The following FAM135B variants were observed in gnomAD, a reference collection of about 807,000 sequenced individuals.
The protein encoded by FAM135B is family with sequence similarity 135 member B.
In FAM135B, 43 loss-of-function variants were observed where a neutral mutation model predicts 127.7. The observed-to-expected ratio is 0.34, with a 90% CI of 0.26 to 0.43. FAM135B has a LOEUF of 0.43. FAM135B is among the 20% of genes least tolerant of loss of function. The pLI, the probability that FAM135B is intolerant of heterozygous loss-of-function variation, is 1.00. For missense variants in FAM135B, 1,558 were observed against 1,725.6 expected, an observed-to-expected ratio of 0.90 and a Z score of 1.72; for synonymous variants, 670 against 665.1, an observed-to-expected ratio of 1.01 and a Z score of -0.11.
intron 7 of FAM135B, among the ~76,000 whole-genome samples, chr8:138,205,502 GC>G (rs1248032414): frequency 4.6e-5 from 7 of 152,240 alleles, no homozygotes; most frequent in African/African-American, 1.7e-4. Context: ...ACAAAGAAAA[GC>G]AAAGCCTCTT....
chr8:138,277,624 G>T (rs1045959208), intron 3 of FAM135B, among the ~76,000 whole-genome samples: 1 of 152,198 alleles, frequency 6.6e-6, no homozygotes, highest in Non-Finnish European at 1.5e-5. Flanking sequence ...CATAGCCAGT[G>T]TATGGTAACC....
intron 1 of FAM135B, among the ~76,000 whole-genome samples, chr8:138,410,518 T>C (rs1833801272): frequency 6.6e-6 from 1 of 152,076 alleles, no homozygotes; most frequent in Non-Finnish European, 1.5e-5. Flanking sequence ...GCAATTTGAG[T>C]GAACTTAGGA....
intron 2 of FAM135B, among the ~76,000 whole-genome samples, chr8:138,321,536 T>A (rs1487031282): frequency 1.3e-5 from 2 of 152,170 alleles, no homozygotes; most frequent in African/African-American, 4.8e-5. Flanking sequence ...ATTAAGAGGG[T>A]AAGCTCTGAA....
rs187589939 is a variant in FAM135B at position 138,446,565 on chromosome 8, T to C, written c.-20+50106A>G. Among the ~76,000 whole-genome samples, 137 of 152,366 alleles carry C rather than the reference T, an allele frequency of 9.0e-4. 2 individuals carry two copies. Among genetic ancestry groups the C allele is most frequent in the African/African-American group, 2.8e-3 (115 of 41,590 alleles). On this transcript the variant is annotated intron_variant, in intron 1 of 19. Transcript: ENST00000395297. ...AACAAGCAATGGGGAAAGGATTCCC[T>C]ATTTAATAAATCGTTCAGGGAAAAC...
Position 138,344,694 on chromosome 8 carries a change from GC to G in FAM135B, c.77+23212del, listed in dbSNP as rs1414655133. On this transcript the variant is annotated intron_variant, in intron 2 of 19. Coordinates refer to ENST00000395297, the MANE Select transcript of FAM135B (RefSeq NM_015912.4). ...AGGTTCATGACATTCGCCTGCCTCAGCCTCCCGAATAGCTGGGACTACAGGT... is the reference window on the plus strand; with the variant it reads ...AGGTTCATGACATTCGCCTGCCTCAGCTCCCGAATAGCTGGGACTACAGGT... 3.3e-5 allele frequency among the ~76,000 whole-genome samples: 5 copies of G among 149,962 alleles called. No homozygotes were observed. In the Admixed American group the frequency reaches 3.4e-4, roughly 10 times the overall value.
Position 138,178,632 on chromosome 8 carries a change from G to A in FAM135B, c.932C>T (p.Thr311Met), listed in dbSNP as rs1266973180. The A allele has an allele frequency of 4.3e-6, 7 of 1,614,082 alleles. No individual in the cohort carries two copies. The highest frequency in any genetic ancestry group is 1.3e-5 in the African/African-American group (1 of 75,024). ...EQISKDLAWL[T>M]SHMMTLWTQF... ...GGTCCACAGAGTCATCATGTGGGAC[G>A]TGAGCCAGGCCAGATCCTTGCTTAT... Residue 311 changes from threonine to methionine, a missense_variant, in exon 10 of 20, where the codon ACG becomes ATG. Physicochemically the swap from Thr to Met is moderately conservative, Grantham distance 81. This residue lies in a region of FAM135B where 115 missense variants were observed against 171.1 expected (regional missense o/e 0.67). Transcript: ENST00000395297.
intron 7 of FAM135B, among the ~76,000 whole-genome samples, chr8:138,240,649 C>T (rs1441319984): frequency 6.6e-6 from 1 of 152,112 alleles, no homozygotes; most frequent in Non-Finnish European, 1.5e-5. Flanking sequence ...ACTCAGAGCC[C>T]AGTGGAGGAA....
chr8:138,132,494 G>C lies in FAM135B; in HGVS notation c.*99C>G. On this transcript the variant is annotated 3_prime_UTR_variant, in exon 20 of 20. Transcript: ENST00000395297. This position sits in a 1 kb window ranked among gnomAD's most constrained non-coding sequence, Gnocchi z 4.5. ...CGAGCCTCCGTCCCCCAATGCTGTT[G>C]AAGCTTCATTCTGAAATGGTGAGGT... The C allele has an allele frequency of 9.8e-7, 1 of 1,017,184 alleles. No homozygotes were observed. Among genetic ancestry groups the C allele is most frequent in the East Asian group, 2.4e-5 (1 of 41,872 alleles). 63.0% of individuals were successfully genotyped at this position (1,017,184 alleles called of 1,614,324 possible). A position where few individuals can be genotyped will look rare whatever the true frequency, so the allele number is the denominator to read the frequency against.
chr8:138,406,108 G>A (rs1833470058), intron 1 of FAM135B, among the ~76,000 whole-genome samples: 1 of 147,590 alleles, frequency 6.8e-6, no homozygotes, highest in Non-Finnish European at 1.5e-5. Context: ...GTAGATTCTG[G>A]ATATCAGCCC....
intron 1 of FAM135B, among the ~76,000 whole-genome samples, chr8:138,396,586 T>C (rs1832867880): frequency 2.0e-5 from 3 of 151,982 alleles, no homozygotes; most frequent in African/African-American, 7.3e-5. Context: ...ACAGCAATTG[T>C]GTGTATAACA....
intron 3 of FAM135B, among the ~76,000 whole-genome samples, chr8:138,296,043 C>T (rs1386101626): frequency 6.6e-6 from 1 of 152,206 alleles, no homozygotes; most frequent in Non-Finnish European, 1.5e-5. Flanking sequence ...AAATAAGGCT[C>T]AGATATTTGC....
rs1477571937 is a variant in FAM135B at position 138,336,333 on chromosome 8, A to G, written c.78-25413T>C. 1.0e-3 allele frequency among the ~76,000 whole-genome samples: 153 copies of G among 152,208 alleles called. 1 individual carries two copies. The highest frequency in any genetic ancestry group is 3.5e-3 in the African/African-American group (146 of 41,482). ...GAATCCAGGAGCTGGTTTTTTGAAAAGACCAACAAAATTGATAGACCTCTA... is the reference window on the plus strand; with the variant it reads ...GAATCCAGGAGCTGGTTTTTTGAAAGGACCAACAAAATTGATAGACCTCTA... On this transcript the variant is annotated intron_variant, in intron 2 of 19. Coordinates refer to ENST00000395297, the MANE Select transcript of FAM135B (RefSeq NM_015912.4).
chr8:138,465,263 G>A (rs1019061046), intron 1 of FAM135B, among the ~76,000 whole-genome samples: 3 of 152,102 alleles, frequency 2.0e-5, no homozygotes, highest in Non-Finnish European at 4.4e-5. Context: ...TGCCCATCAT[G>A]GTCCTTTCCT....
intron 1 of FAM135B, among the ~76,000 whole-genome samples, chr8:138,390,024 C>A (rs901771359): frequency 4.6e-5 from 7 of 152,276 alleles, no homozygotes; most frequent in Admixed American, 2.0e-4. Flanking sequence ...TTAATGCCTG[C>A]AAACACCCAT....
chr8:138,384,365 T>C (rs1365210265), intron 1 of FAM135B, among the ~76,000 whole-genome samples: 2 of 151,834 alleles, frequency 1.3e-5, no homozygotes, highest in Non-Finnish European at 2.9e-5. Context: ...TTTATTTATT[T>C]ATTTATTTAT....
At chr8:138,495,010 G>A (rs545321537) in intron 1 of FAM135B, among the ~76,000 whole-genome samples, 1 of 152,242 alleles carries the variant, frequency 6.6e-6, no homozygotes, top group African/African-American at 2.4e-5. Context: ...AGTGAATCTT[G>A]GACCAGACTA....
intron 9 of FAM135B, among the ~76,000 whole-genome samples, chr8:138,186,816 G>T (rs12681944): frequency 6.6e-6 from 1 of 152,028 alleles, no homozygotes; most frequent in Non-Finnish European, 1.5e-5. Flanking sequence ...GGCAGCCTGC[G>T]TCCTAACCCC....
At chr8:138,147,344 C>T (rs1402414916) in intron 14 of FAM135B, among the ~76,000 whole-genome samples, 1 of 151,482 alleles carries the variant, frequency 6.6e-6, no homozygotes, top group African/African-American at 2.4e-5. Context: ...GTAGAAATGG[C>T]CCCCTCTCCT....
Position 138,178,517 on chromosome 8 carries a change from C to T in FAM135B, c.1029+18G>A, listed in dbSNP as rs373761803. The T allele has an allele frequency of 1.9e-6, 3 of 1,612,746 alleles. No individual in the cohort carries two copies. The highest frequency in any genetic ancestry group is 1.3e-5 in the African/African-American group (1 of 74,994). On this transcript the variant is annotated intron_variant, in intron 10 of 19. Coordinates refer to ENST00000395297, the MANE Select transcript of FAM135B (RefSeq NM_015912.4). Reference sequence around the variant, plus strand: ...CAAATGCATGTGATCAGAGAATGCACAGCAGTTGGCCACTCACCCTCAGGG... The same window carrying T: ...CAAATGCATGTGATCAGAGAATGCATAGCAGTTGGCCACTCACCCTCAGGG...
Sources: allele counts gnomAD v4.1 joint callset (sites outside exome capture counted in the v4.1 genomes callset), GRCh38; gene constraint gnomAD v4.1.1; regional missense constraint gnomAD v4.1.1; non-coding constraint Gnocchi (gnomAD v3.1); transcripts MANE v1.5; gene names NCBI Gene and HGNC (gene_info 2026-07-23, HGNC 2026-07-21).